Variants in SLC39A10 observed in about 807,000 individuals in gnomAD.
The protein encoded by SLC39A10 is zinc transporter ZIP10.
A neutral mutation model predicts 65.1 loss-of-function variants in SLC39A10; 13 were observed. That is an observed-to-expected ratio of 0.20 (90% CI 0.13 to 0.32). The LOEUF is 0.32. Among genes scored for constraint, SLC39A10 ranks in the 10% least tolerant of loss-of-function variants. The pLI is 1.00. For missense variants in SLC39A10, 831 were observed against 1,018.4 expected (o/e 0.82, Z 2.50); for synonymous variants, 321 against 342.2 (o/e 0.94, Z 0.68).
intron 5 of SLC39A10, among the ~76,000 whole-genome samples, chr2:195,709,380 C>A (rs901221132): frequency 6.6e-6 from 1 of 152,102 alleles, no homozygotes; most frequent in African/African-American, 2.4e-5. Context: ...CATAGCTGCG[C>A]ACCACCATGC....
chr2:195,716,570 C>T (rs867609738), intron 6 of SLC39A10, 67 bp from the exon 7 acceptor site: 3 of 354,566 alleles, frequency 8.5e-6, no homozygotes, highest in Non-Finnish European at 1.3e-5. Context: ...CACTGCTATT[C>T]TGTTTAAATT....
At chr2:195,669,829 T>C (rs1237408313) in intron 1 of SLC39A10, among the ~76,000 whole-genome samples, 1 of 152,028 alleles carries the variant, frequency 6.6e-6, no homozygotes, top group African/African-American at 2.4e-5. Flanking sequence ...TGAGAGCTCA[T>C]CTCTATATGA....
At chr2:195,694,206 T>C (rs369175630) in intron 3 of SLC39A10, among the ~76,000 whole-genome samples, 16 of 152,204 alleles carry the variant, frequency 1.1e-4, no homozygotes, top group African/African-American at 3.9e-4. Context: ...CTGAGACTTG[T>C]TTGTGCCTTG....
intron 1 of SLC39A10, chr2:195,674,683 A>G (rs1690012049): frequency 1.0e-6 from 1 of 975,686 alleles, no homozygotes; most frequent in Non-Finnish European, 1.2e-6. Context: ...AATGCTGAGT[A>G]TGTTCTGAGG....
intron 2 of SLC39A10, among the ~76,000 whole-genome samples, chr2:195,621,883 T>A (rs1688355838): frequency 6.6e-6 from 1 of 152,144 alleles, no homozygotes; most frequent in Non-Finnish European, 1.5e-5. Flanking sequence ...TCCCGTTAAC[T>A]CTTCATAAAC....
At chr2:195,730,364 C>T (rs1030933484) in intron 9 of SLC39A10, among the ~76,000 whole-genome samples, 1 of 151,802 alleles carries the variant, frequency 6.6e-6, no homozygotes, top group Non-Finnish European at 1.5e-5. Flanking sequence ...CAGTCTTGCT[C>T]TGTTGCCCAG....
chr2:195,671,877 G>T (rs1293954384), intron 1 of SLC39A10, among the ~76,000 whole-genome samples: 4 of 151,976 alleles, frequency 2.6e-5, no homozygotes, highest in Admixed American at 2.0e-4. Context: ...CTCTTTCCCT[G>T]TTGGCTGGAA....
At chr2:195,677,749 A>ATTTT (rs58648222) in intron 1 of SLC39A10, among the ~76,000 whole-genome samples, 1 of 119,058 alleles carries the variant, frequency 8.4e-6, no homozygotes, top group African/African-American at 3.3e-5. Flanking sequence ...CTTTTATCAG[A>ATTTT]TTTTTTTTTT....
intron 8 of SLC39A10, among the ~76,000 whole-genome samples, chr2:195,720,772 C>T (rs1692005396): frequency 6.6e-6 from 1 of 152,188 alleles, no homozygotes; most frequent in South Asian, 2.1e-4. Context: ...CAGACCAAGT[C>T]ATCACCGCCT....
chr2:195,707,052 T>C (rs778581571), intron 4 of SLC39A10, among the ~76,000 whole-genome samples: 6 of 152,198 alleles, frequency 3.9e-5, no homozygotes, highest in Non-Finnish European at 8.8e-5. Context: ...GTGAGTGGTC[T>C]TTTTTATCTG....
intron 6 of SLC39A10, 46 bp from the exon 7 acceptor site, chr2:195,716,591 C>T: frequency 1.3e-6 from 2 of 1,511,360 alleles, no homozygotes; most frequent in Non-Finnish European, 1.8e-6. Flanking sequence ...AGCAAATATC[C>T]ATGCATTTAA....
Position 195,736,880 on chromosome 2 carries a change from A to ATATCTATC in SLC39A10, c.*1846_*1853dup, listed in dbSNP as rs3049425. 1.7e-3 allele frequency: 252 copies of ATATCTATC among 151,880 alleles called. No homozygotes were observed. Among genetic ancestry groups the ATATCTATC allele is most frequent in the South Asian group, 5.8e-3 (28 of 4,804 alleles). The allele number at this position is 151,880 out of a possible 1,614,324, so 9.4% of individuals were successfully genotyped here. A position where few individuals can be genotyped will look rare whatever the true frequency, so the allele number is the denominator to read the frequency against. ...GTACTGCCAACTTCAAGTGATTTAG[A>ATATCTATC]TATCTATCTATCTAGATTTCTGAAC... On this transcript the variant is annotated 3_prime_UTR_variant, in exon 10 of 10. Coordinates refer to ENST00000359634, the MANE Select transcript of SLC39A10 (RefSeq NM_020342.3).
At position 195,680,189 on chromosome 2, in the gene SLC39A10, C is replaced by G; in HGVS notation, c.147C>G (p.Ser49Arg). 1 of 1,613,784 alleles carries G rather than the reference C, an allele frequency of 6.2e-7. No homozygotes were observed. Among genetic ancestry groups the G allele is most frequent in the Non-Finnish European group, 8.5e-7 (1 of 1,179,964 alleles). Residue 49 changes from serine to arginine, a missense_variant, in exon 2 of 10, where the codon AGC becomes AGG. Ser to Arg is a moderately radical substitution (Grantham distance 110, BLOSUM62 -1). Coordinates refer to ENST00000359634, the MANE Select transcript of SLC39A10 (RefSeq NM_020342.3). ...GTGGAATGACAGAATTGGAGCCAAG[C>G]AAATTTTCAAAGCAAGCTGCTGAAA... ...QHRGMTELEP[S>R]KFSKQAAENE...
At chr2:195,682,252 C>G (rs1690353238) in intron 2 of SLC39A10, among the ~76,000 whole-genome samples, 1 of 152,130 alleles carries the variant, frequency 6.6e-6, no homozygotes, top group Non-Finnish European at 1.5e-5. Context: ...TAGAAAGTAG[C>G]ACCATCAACT....
chr2:195,667,566 T>A (rs4850372), intron 1 of SLC39A10, among the ~76,000 whole-genome samples: 105,551 of 152,054 alleles, frequency 0.69, 37,085 homozygotes, highest in Non-Finnish European at 0.73. Context: ...CTCCTCCCCC[T>A]CCACCATACT....
At chr2:195,617,320 T>C (rs1194770838) in intron 2 of SLC39A10, among the ~76,000 whole-genome samples, 1 of 152,156 alleles carries the variant, frequency 6.6e-6, no homozygotes, top group Non-Finnish European at 1.5e-5. Flanking sequence ...CCCAGCACTT[T>C]GGGAGGCCAA....
chr2:195,662,148 A>G (rs1446585796), intron 1 of SLC39A10, among the ~76,000 whole-genome samples: 2 of 152,246 alleles, frequency 1.3e-5, no homozygotes, highest in Admixed American at 1.3e-4. Flanking sequence ...TTAATCCTCT[A>G]TAATGAAGAT....
At chr2:195,620,063 C>A (rs961594576) in intron 2 of SLC39A10, among the ~76,000 whole-genome samples, 20 of 152,162 alleles carry the variant, frequency 1.3e-4, no homozygotes, top group African/African-American at 4.6e-4. Context: ...GCTGGGATTA[C>A]CGGTGCCCAC....
rs1422136498 is a variant in SLC39A10, at chr2:195,680,339, T to C, written c.297T>C (p.Ile99=). The change falls in exon 2 of 10, where the codon ATT becomes ATC. Residue 99 remains isoleucine (I), a synonymous_variant. Transcript: ENST00000359634. ...LGLGERKVVE[I]NHEDLGHDHV... ...TTGGAGAGAGAAAAGTAGTTGAGATTAATCATGAGGATCTTGGCCACGATC... is the reference window on the plus strand; with the variant it reads ...TTGGAGAGAGAAAAGTAGTTGAGATCAATCATGAGGATCTTGGCCACGATC... 1.2e-6 allele frequency: 2 copies of C among 1,614,056 alleles called. No homozygotes were observed. Among genetic ancestry groups the C allele is most frequent in the African/African-American group, 1.3e-5 (1 of 74,914 alleles).
Sources: allele counts gnomAD v4.1 joint callset (sites outside exome capture counted in the v4.1 genomes callset), GRCh38; gene constraint gnomAD v4.1.1; transcripts MANE v1.5; gene names NCBI Gene and HGNC (gene_info 2026-07-23, HGNC 2026-07-21).